SMYD3: variants seen among roughly 807,000 people sequenced by gnomAD.
The protein encoded by SMYD3 is SET and MYND domain containing 3.
A neutral mutation model predicts 57.7 loss-of-function variants in SMYD3; 36 were observed. That is an observed-to-expected ratio of 0.62 (90% CI 0.48 to 0.82). The LOEUF (loss-of-function observed/expected upper bound fraction) is 0.82, where lower values mean the gene tolerates loss of function less well. Among genes scored for constraint, SMYD3 ranks in the 40% least tolerant of loss-of-function variants. SMYD3 has a pLI of 0.00. For synonymous variants in SMYD3, 211 were observed against 195.0 expected (o/e 1.08, Z -0.68); for missense variants, 515 against 538.8 (o/e 0.96, Z 0.44).
intron 5 of SMYD3, among the ~76,000 whole-genome samples, chr1:245,963,763 CAGA>C (rs2058069980): frequency 6.6e-6 from 1 of 152,180 alleles, no homozygotes; most frequent in East Asian, 1.9e-4. Context: ...GGGGCTTTGG[CAGA>C]GCCTAACCTA....
chr1:246,452,304 G>C (rs2067644429), intron 1 of SMYD3, among the ~76,000 whole-genome samples: 1 of 152,086 alleles, frequency 6.6e-6, no homozygotes, highest in Non-Finnish European at 1.5e-5. Flanking sequence ...CTAGGAGTTC[G>C]AGACCAGCTT....
At chr1:245,977,381 C>T (rs1015364025) in intron 5 of SMYD3, among the ~76,000 whole-genome samples, 1 of 152,166 alleles carries the variant, frequency 6.6e-6, no homozygotes, top group Non-Finnish European at 1.5e-5. Context: ...TCCTTAATCA[C>T]AAAACCGAAA....
At chr1:245,784,394 T>C (rs1487149646) in intron 10 of SMYD3, among the ~76,000 whole-genome samples, 1 of 152,212 alleles carries the variant, frequency 6.6e-6, no homozygotes, top group African/African-American at 2.4e-5. Flanking sequence ...TCACATATTC[T>C]GTGGGTCAGA....
intron 5 of SMYD3, among the ~76,000 whole-genome samples, chr1:246,232,212 C>G (rs1400283225): frequency 6.6e-6 from 1 of 152,124 alleles, no homozygotes; most frequent in Non-Finnish European, 1.5e-5. Context: ...AAATGGATCA[C>G]TGGACTGAAA....
Position 246,049,319 on chromosome 1 carries a change from T to C in SMYD3, c.532-119382A>G, listed in dbSNP as rs1028321342. Among the ~76,000 whole-genome samples the C allele has an allele frequency of 8.5e-5, 13 of 152,238 alleles. 1 individual carries two copies. In the East Asian group the frequency reaches 2.1e-3, roughly 25 times the overall value. Reference sequence around the variant, plus strand: ...GTTTGTTTGTTTGTTTGTTTTGAGATGGAGTCTCGCTCTGTCGCCCAGGCT... The same window carrying C: ...GTTTGTTTGTTTGTTTGTTTTGAGACGGAGTCTCGCTCTGTCGCCCAGGCT... On this transcript the variant is annotated intron_variant, in intron 5 of 11. Transcript: ENST00000490107.
chr1:245,763,985 C>A, intron 11 of SMYD3, 56 bp downstream of exon 11: 1 of 1,332,770 alleles, frequency 7.5e-7, no homozygotes, highest in East Asian at 2.3e-5. Flanking sequence ...AGAGGCCCAG[C>A]AACAGCAGAA....
At chr1:245,838,597 T>C (rs1344160801) in intron 10 of SMYD3, among the ~76,000 whole-genome samples, 1 of 152,172 alleles carries the variant, frequency 6.6e-6, no homozygotes, top group Non-Finnish European at 1.5e-5. Flanking sequence ...TTGTATACCT[T>C]CTTTAAGAAT....
chr1:246,321,101 T>C (rs1309984612), intron 5 of SMYD3, among the ~76,000 whole-genome samples: 2 of 152,192 alleles, frequency 1.3e-5, no homozygotes, highest in Admixed American at 6.5e-5. Context: ...AAAGACACCA[T>C]TGCCTGTTTG....
intron 10 of SMYD3, among the ~76,000 whole-genome samples, chr1:245,816,958 C>T (rs1041903240): frequency 2.7e-4 from 41 of 151,116 alleles, no homozygotes; most frequent in Admixed American, 9.2e-4. Context: ...AAGGCGGCAG[C>T]GAGGCTGGGG....
chr1:245,765,045 TACACACACAC>T (rs3085339), intron 10 of SMYD3, among the ~76,000 whole-genome samples: 7 of 134,746 alleles, frequency 5.2e-5, no homozygotes, highest in East Asian at 2.1e-4. Flanking sequence ...TGGAAATGCC[TACACACACAC>T]ACACACACAC....
At chr1:246,046,471 G>C (rs1358053499) in intron 5 of SMYD3, among the ~76,000 whole-genome samples, 1 of 151,938 alleles carries the variant, frequency 6.6e-6, no homozygotes, top group Admixed American at 6.5e-5. Context: ...ACCGGGGCCT[G>C]TCATGGGGCG....
intron 5 of SMYD3, chr1:245,955,953 C>G: frequency 1.0e-6 from 1 of 984,792 alleles, no homozygotes; most frequent in Non-Finnish European, 1.2e-6. Flanking sequence ...TTATAGCTGA[C>G]AGACCTCTTG....
At chr1:246,180,688 G>C (rs768958016) in intron 5 of SMYD3, among the ~76,000 whole-genome samples, 2 of 137,208 alleles carry the variant, frequency 1.5e-5, no homozygotes, top group African/African-American at 2.7e-5. Flanking sequence ...GAACCTGGGA[G>C]GCAGTGCTTG....
intron 1 of SMYD3, among the ~76,000 whole-genome samples, chr1:246,359,413 G>A (rs1356702702): frequency 6.6e-6 from 1 of 152,116 alleles, no homozygotes; most frequent in East Asian, 1.9e-4. Context: ...CAATCCTATT[G>A]ACACTATTCC....
chr1:245,970,632 A>G (rs1379546617), intron 5 of SMYD3, among the ~76,000 whole-genome samples: 1 of 152,228 alleles, frequency 6.6e-6, no homozygotes, highest in East Asian at 1.9e-4. Flanking sequence ...CCCATCAGAA[A>G]GTGAGTGAAG....
intron 5 of SMYD3, among the ~76,000 whole-genome samples, chr1:246,015,161 C>T (rs2059357167): frequency 1.3e-5 from 2 of 152,120 alleles, no homozygotes; most frequent in South Asian, 2.1e-4. Flanking sequence ...TACATCTGTC[C>T]CCCAGGGCGT....
chr1:245,879,638 T>G (rs1452155015), intron 8 of SMYD3, among the ~76,000 whole-genome samples: 2 of 152,196 alleles, frequency 1.3e-5, no homozygotes, highest in Non-Finnish European at 2.9e-5. Flanking sequence ...AATAGGAATC[T>G]TAGAAAAGTT....
intron 3 of SMYD3, among the ~76,000 whole-genome samples, chr1:246,334,813 A>C (rs961874838): frequency 1.3e-5 from 2 of 152,246 alleles, no homozygotes; most frequent in Admixed American, 1.3e-4. Flanking sequence ...TCTCATGATA[A>C]AACTTGAAAA....
intron 5 of SMYD3, among the ~76,000 whole-genome samples, chr1:246,095,825 G>A (rs896667581): frequency 2.0e-5 from 3 of 152,166 alleles, no homozygotes; most frequent in Non-Finnish European, 4.4e-5. Flanking sequence ...GCAGGGATCC[G>A]TGATTATGTC....
Sources: allele counts gnomAD v4.1 joint callset (sites outside exome capture counted in the v4.1 genomes callset), GRCh38; gene constraint gnomAD v4.1.1; transcripts MANE v1.5; gene names NCBI Gene and HGNC (gene_info 2026-07-23, HGNC 2026-07-21).